GABRG3: variants seen among roughly 807,000 people sequenced by gnomAD.
The protein encoded by GABRG3 is gamma-aminobutyric acid type A receptor subunit gamma3.
A neutral mutation model predicts 48.8 loss-of-function variants in GABRG3; 25 were observed. That is an observed-to-expected ratio of 0.51 (90% CI 0.37 to 0.72). The LOEUF (loss-of-function observed/expected upper bound fraction) is 0.72, where lower values mean the gene tolerates loss of function less well. GABRG3 is among the 30% of genes least tolerant of loss of function. The pLI, the probability that GABRG3 is intolerant of heterozygous loss-of-function variation, is 0.00. For synonymous variants in GABRG3, 227 were observed against 217.6 expected (o/e 1.04, Z -0.38); for missense variants, 394 against 577.9 (o/e 0.68, Z 3.26).
Position 27,062,434 on chromosome 15 carries a change from TAAA to T in GABRG3, c.270+35635_270+35637del, listed in dbSNP as rs57903886. 7.9e-4 allele frequency among the ~76,000 whole-genome samples: 26 copies of T among 32,864 alleles called. 4 individuals carry two copies. The highest frequency in any genetic ancestry group is 3.3e-3 in the South Asian group (3 of 916). The allele number at this position is 32,864 out of a possible 152,430, so 21.6% of individuals were successfully genotyped here. On this transcript the variant is annotated intron_variant, in intron 3 of 9. Transcript: ENST00000615808. ...CAACATGGTGAAACTCCATCTCTAC[TAAA>T]AAAAAAAAAAAAAAAAAAAAATTAG...
intron 5 of GABRG3, among the ~76,000 whole-genome samples, chr15:27,413,996 A>G (rs528835128): frequency 1.3e-5 from 2 of 152,350 alleles, no homozygotes; most frequent in South Asian, 4.1e-4. Flanking sequence ...TGCAAGGTGG[A>G]GTTCCTTAGA....
At position 27,336,614 on chromosome 15, in the gene GABRG3, T is replaced by G. The variant is rs368708078; in HGVS notation, c.574+7726T>G. On this transcript the variant is annotated intron_variant, in intron 5 of 9. Coordinates refer to ENST00000615808, the MANE Select transcript of GABRG3 (RefSeq NM_033223.5). ...CAGAAAATAGTACAGAAGTGTCTTATAAAACTAAAACTGTACTTACCATAT... is the reference window on the plus strand; with the variant it reads ...CAGAAAATAGTACAGAAGTGTCTTAGAAAACTAAAACTGTACTTACCATAT... Among the ~76,000 whole-genome samples the G allele has an allele frequency of 1.4e-4, 21 of 152,296 alleles. No homozygotes were observed. In the East Asian group the frequency reaches 4.1e-3, roughly 29 times the overall value.
At chr15:27,481,772 C>A (rs954451736) in intron 6 of GABRG3, among the ~76,000 whole-genome samples, 1 of 151,930 alleles carries the variant, frequency 6.6e-6, no homozygotes, top group Non-Finnish European at 1.5e-5. Context: ...TAAACAATGA[C>A]GATGTTAAAT....
intron 3 of GABRG3, among the ~76,000 whole-genome samples, chr15:27,149,002 G>A (rs1898260756): frequency 6.6e-6 from 1 of 151,974 alleles, no homozygotes; most frequent in Non-Finnish European, 1.5e-5. Flanking sequence ...CCTAGTGCAG[G>A]CATCTATTAA....
chr15:27,442,645 G>T (rs1888825860), intron 5 of GABRG3, among the ~76,000 whole-genome samples: 1 of 152,176 alleles, frequency 6.6e-6, no homozygotes, highest in Admixed American at 6.5e-5. Flanking sequence ...AACCAGTCAA[G>T]TGATCTCTTC....
chr15:27,039,008 T>G (rs545539179), intron 3 of GABRG3, among the ~76,000 whole-genome samples: 6 of 151,990 alleles, frequency 3.9e-5, no homozygotes, highest in Non-Finnish European at 5.9e-5. Flanking sequence ...TCAGGACTAT[T>G]GCAAAAAAGA....
At chr15:27,370,446 G>A (rs1056200012) in intron 5 of GABRG3, among the ~76,000 whole-genome samples, 5 of 152,164 alleles carry the variant, frequency 3.3e-5, no homozygotes, top group African/African-American at 1.2e-4. Flanking sequence ...AACGCTGCCA[G>A]TCTCCTACCT....
At chr15:27,282,862 C>G (rs778174579) in intron 3 of GABRG3, among the ~76,000 whole-genome samples, 2 of 152,138 alleles carry the variant, frequency 1.3e-5, no homozygotes, top group East Asian at 3.9e-4. Context: ...CAGTCCTCTG[C>G]TAAAATCGTG....
At chr15:26,987,247 G>A (rs770589614) in intron 2 of GABRG3, among the ~76,000 whole-genome samples, 8 of 152,114 alleles carry the variant, frequency 5.3e-5, no homozygotes, top group Non-Finnish European at 1.0e-4. Context: ...GGGGCATCAG[G>A]TGCCTTCCAT....
intron 3 of GABRG3, among the ~76,000 whole-genome samples, chr15:27,164,939 C>T (rs2140406581): frequency 6.6e-6 from 1 of 152,204 alleles, no homozygotes; most frequent in East Asian, 1.9e-4. Flanking sequence ...GATGTTGCTT[C>T]ATGAAGTGTT....
intron 2 of GABRG3, among the ~76,000 whole-genome samples, chr15:26,992,507 G>A (rs1483042312): frequency 1.3e-5 from 2 of 152,124 alleles, no homozygotes; most frequent in Non-Finnish European, 2.9e-5. Context: ...TTGTTCTGTC[G>A]ATATATCACA....
In GABRG3 at chr15:27,270,842, G is replaced by A. The variant is rs11854490; in HGVS notation, c.271-55967G>A. Among the ~76,000 whole-genome samples, 1,352 of 152,196 alleles carry A rather than the reference G, an allele frequency of 8.9e-3. 17 individuals are homozygous for A. Among genetic ancestry groups the A allele is most frequent in the African/African-American group, 0.031 (1,283 of 41,506 alleles). ...GAAAGATCACCCTTACCTCATAAAT[G>A]TGTAACATTATTTCATGTCAATCAT... is the stretch of plus-strand genomic sequence containing the variant. On this transcript the variant is annotated intron_variant, in intron 3 of 9. Coordinates refer to ENST00000615808, the MANE Select transcript of GABRG3 (RefSeq NM_033223.5).
At chr15:27,164,735 C>G (rs1228284582) in intron 3 of GABRG3, among the ~76,000 whole-genome samples, 1 of 152,192 alleles carries the variant, frequency 6.6e-6, no homozygotes, top group African/African-American at 2.4e-5. Flanking sequence ...TTACGTCGAA[C>G]CTTTTGTGGC....
intron 5 of GABRG3, among the ~76,000 whole-genome samples, chr15:27,351,714 G>GTGTGTGTGTGTATATATA (rs1894610589): frequency 6.9e-6 from 1 of 144,832 alleles, no homozygotes; most frequent in Non-Finnish European, 1.5e-5. Context: ...TGGGGTATTT[G>GTGTGTGTGTGTATATATA]TGTGTGTGTG....
intron 6 of GABRG3, among the ~76,000 whole-genome samples, chr15:27,488,576 T>C (rs1382798378): frequency 1.3e-5 from 2 of 152,226 alleles, no homozygotes; most frequent in African/African-American, 2.4e-5. Context: ...TTGTCTGGCA[T>C]TCATTTTACA....
chr15:27,206,951 G>T (rs920434761), intron 3 of GABRG3, among the ~76,000 whole-genome samples: 1 of 152,152 alleles, frequency 6.6e-6, no homozygotes, highest in African/African-American at 2.4e-5. Flanking sequence ...ATCACTGCAT[G>T]TGAGAGGTCT....
chr15:27,339,724 T>C (rs1483572420), intron 5 of GABRG3, among the ~76,000 whole-genome samples: 1 of 152,188 alleles, frequency 6.6e-6, no homozygotes, highest in Non-Finnish European at 1.5e-5. Flanking sequence ...TTTTGCCCAG[T>C]CTTGAAGGTG....
intron 3 of GABRG3, among the ~76,000 whole-genome samples, chr15:27,291,725 C>T (rs2140486766): frequency 6.6e-6 from 1 of 152,326 alleles, no homozygotes; most frequent in South Asian, 2.1e-4. Context: ...CAAACATCTG[C>T]GTCCTCAGTG....
intron 3 of GABRG3, among the ~76,000 whole-genome samples, chr15:27,070,407 A>G (rs1156645815): frequency 6.6e-6 from 1 of 152,220 alleles, no homozygotes; most frequent in Non-Finnish European, 1.5e-5. Context: ...AGAACATTCC[A>G]TTATGCCAGG....
Sources: gnomAD v4.1 joint callset for allele counts (sites outside exome capture counted in the v4.1 genomes callset) on GRCh38, gnomAD v4.1.1 for gene constraint, MANE v1.5 for transcripts, NCBI Gene and HGNC (gene_info 2026-07-23, HGNC 2026-07-21) for gene names.